Variants in TGFBR2 observed in about 807,000 individuals in gnomAD.
TGFBR2 encodes the protein transforming growth factor beta receptor 2.
A neutral mutation model predicts 49.0 loss-of-function variants in TGFBR2; 18 were observed. The ratio of observed to expected loss-of-function variants is 0.37; its 90% CI spans 0.25 to 0.54. TGFBR2 has a LOEUF of 0.54. Among genes scored for constraint, TGFBR2 ranks in the 20% least tolerant of loss-of-function variants. The pLI is 0.85. For missense variants in TGFBR2, 525 were observed against 722.6 expected, an observed-to-expected ratio of 0.73 and a Z score of 3.13; for synonymous variants, 282 against 275.9, an observed-to-expected ratio of 1.02 and a Z score of -0.22.
intron 6 of TGFBR2, among the ~76,000 whole-genome samples, chr3:30,689,048 A>T (rs1179646405): frequency 6.6e-6 from 1 of 151,744 alleles, no homozygotes; most frequent in African/African-American, 2.4e-5. Flanking sequence ...GAGGAGACCG[A>T]CTCCTCACTC....
intron 5 of TGFBR2, 152 bp downstream of exon 5, chr3:30,674,398 T>C: frequency 9.2e-7 from 1 of 1,083,232 alleles, no homozygotes; most frequent in Non-Finnish European, 1.4e-6. Flanking sequence ...TATTTGGGGT[T>C]ATGCTAAACA....
chr3:30,674,775 G>A lies in TGFBR2; in HGVS notation c.1396+529G>A, dbSNP rs142739623. Among the ~76,000 whole-genome samples, 34 of 152,188 alleles carry A rather than the reference G, an allele frequency of 2.2e-4. 1 individual carries two copies. The East Asian group carries it at 5.8e-3, about 26-fold the overall frequency. On this transcript the variant is annotated intron_variant, in intron 5 of 6. Coordinates refer to ENST00000295754, the MANE Select transcript of TGFBR2 (RefSeq NM_003242.6). ...AGTGAAGAGGTTATTGAGGAAGGCC[G>A]TCTTCTTACTGCTTAAGCCTGCAAG...
At chr3:30,606,379 G>C (rs565226550), upstream of TGFBR2, 7 of 227,768 alleles carry the variant, frequency 3.1e-5, 1 homozygote, top group South Asian at 1.3e-3. Context: ...TACTTGGAGC[G>C]AGGAACTCCT....
intron 1 of TGFBR2, among the ~76,000 whole-genome samples, chr3:30,607,586 G>C (rs775487528): frequency 5.3e-5 from 8 of 151,962 alleles, no homozygotes; most frequent in Non-Finnish European, 1.0e-4. Context: ...ATAGGGAGTG[G>C]AGATGCTCAG....
chr3:30,628,127 T>TA (rs1698367337), intron 1 of TGFBR2, among the ~76,000 whole-genome samples: 4 of 145,296 alleles, frequency 2.8e-5, no homozygotes, highest in South Asian at 4.4e-4. Context: ...TTTTTTTTTT[T>TA]TAATCATCTG....
At chr3:30,607,858 TA>T (rs1203256981) in intron 1 of TGFBR2, among the ~76,000 whole-genome samples, 2 of 143,210 alleles carry the variant, frequency 1.4e-5, no homozygotes, top group Admixed American at 1.4e-4. Context: ...TAAATATATA[TA>T]ATATTAATAT....
At chr3:30,678,861 T>G (rs1465258694) in intron 5 of TGFBR2, among the ~76,000 whole-genome samples, 1 of 152,208 alleles carries the variant, frequency 6.6e-6, no homozygotes, top group Non-Finnish European at 1.5e-5. Flanking sequence ...CTTTCTTGGA[T>G]GTTAACATTA....
intron 3 of TGFBR2, among the ~76,000 whole-genome samples, chr3:30,654,094 T>C (rs1371513882): frequency 2.0e-5 from 3 of 152,276 alleles, no homozygotes; most frequent in Non-Finnish European, 2.9e-5. Context: ...TTTCTCTTTA[T>C]ATCTCTGTAT....
chr3:30,687,504 A>G (rs9876319), intron 5 of TGFBR2, among the ~76,000 whole-genome samples: 3,682 of 152,228 alleles, frequency 0.024, 152 homozygotes, highest in African/African-American at 0.085. Flanking sequence ...GATTACACAC[A>G]TGAGCCACAG....
chr3:30,647,728 G>A (rs1575145223), intron 2 of TGFBR2, among the ~76,000 whole-genome samples: 1 of 152,154 alleles, frequency 6.6e-6, no homozygotes, highest in Middle Eastern at 3.4e-3. Context: ...CCAGGCTGGA[G>A]TGCAATGGCG....
At chr3:30,640,574 A>G (rs1303326966) in intron 1 of TGFBR2, among the ~76,000 whole-genome samples, 2 of 152,212 alleles carry the variant, frequency 1.3e-5, no homozygotes, top group Non-Finnish European at 2.9e-5. Context: ...CTATGTAAAT[A>G]GTTGTTATAC....
chr3:30,620,062 C>T (rs1698200389), intron 1 of TGFBR2, among the ~76,000 whole-genome samples: 1 of 152,152 alleles, frequency 6.6e-6, no homozygotes, highest in Admixed American at 6.5e-5. Flanking sequence ...TGGCGGGTGC[C>T]TGTAGTCCCA....
chr3:30,634,892 C>A (rs1698501445), intron 1 of TGFBR2, among the ~76,000 whole-genome samples: 1 of 152,170 alleles, frequency 6.6e-6, no homozygotes, highest in Admixed American at 6.5e-5. Flanking sequence ...TTCACTTGAT[C>A]TAATATACCA....
At chr3:30,661,888 T>A (rs969468300) in intron 3 of TGFBR2, among the ~76,000 whole-genome samples, 31 of 152,202 alleles carry the variant, frequency 2.0e-4, no homozygotes, top group African/African-American at 6.8e-4. Context: ...AAAAAGGTCC[T>A]GGCATTTATT....
intron 1 of TGFBR2, 151 bp downstream of exon 1, chr3:30,607,128 C>A: frequency 1.6e-6 from 1 of 637,302 alleles, no homozygotes; most frequent in Non-Finnish European, 2.8e-6. Flanking sequence ...AGCCCGACTC[C>A]CGTAGCTGCA....
At chr3:30,659,726 C>A (rs1240612253) in intron 3 of TGFBR2, among the ~76,000 whole-genome samples, 1 of 151,584 alleles carries the variant, frequency 6.6e-6, no homozygotes, top group East Asian at 1.9e-4. Context: ...CGGACCCATA[C>A]TGCTGGTGCT....
At chr3:30,611,839 T>C (rs896291092) in intron 1 of TGFBR2, among the ~76,000 whole-genome samples, 1 of 152,188 alleles carries the variant, frequency 6.6e-6, no homozygotes, top group Admixed American at 6.5e-5. Context: ...ACATACTTCC[T>C]GGCTACAGCA....
At chr3:30,681,719 C>T (rs562580250) in intron 5 of TGFBR2, among the ~76,000 whole-genome samples, 7 of 152,216 alleles carry the variant, frequency 4.6e-5, no homozygotes, top group South Asian at 2.1e-4. Flanking sequence ...TGTTCAGCCC[C>T]GTCTGTCTGG....
At chr3:30,627,192 A>G (rs4522809) in intron 1 of TGFBR2, among the ~76,000 whole-genome samples, 72,176 of 151,966 alleles carry the variant, frequency 0.47, 17,232 homozygotes, top group Middle Eastern at 0.55. Flanking sequence ...AGTAGCCTAG[A>G]GACACCTCTG....
Sources: allele counts gnomAD v4.1 joint callset (sites outside exome capture counted in the v4.1 genomes callset), GRCh38; gene constraint gnomAD v4.1.1; transcripts MANE v1.5; gene names NCBI Gene and HGNC (gene_info 2026-07-23, HGNC 2026-07-21).